ATAD2B: variants seen among roughly 807,000 people sequenced by gnomAD.
ATAD2B encodes ATPase family AAA domain-containing protein 2B.
Under a neutral mutation model 167.6 loss-of-function variants are expected in ATAD2B, and 40 were observed. That is an observed-to-expected ratio of 0.24 (90% CI 0.19 to 0.31). ATAD2B has a LOEUF of 0.31. Among genes scored for constraint, ATAD2B ranks in the 10% least tolerant of loss-of-function variants. The pLI is 1.00. For missense variants in ATAD2B, 1,242 were observed against 1,757.2 expected, an observed-to-expected ratio of 0.71 and a Z score of 5.24; for synonymous variants, 579 against 596.5, an observed-to-expected ratio of 0.97 and a Z score of 0.43.
At chr2:23,764,084 A>C (rs1165178303) in intron 23 of ATAD2B, among the ~76,000 whole-genome samples, 1 of 152,202 alleles carries the variant, frequency 6.6e-6, no homozygotes, top group East Asian at 1.9e-4. Flanking sequence ...GTTTATGTGG[A>C]CATATATTTT....
the ATAD2B span, among the ~76,000 whole-genome samples, chr2:23,727,023 A>T: frequency 6.6e-6 from 1 of 152,212 alleles, no homozygotes; most frequent in Non-Finnish European, 1.5e-5. Context: ...TTAAAAAAAC[A>T]GATTGTTAGA....
chr2:23,745,739 C>G (rs916297148), downstream of ATAD2B, among the ~76,000 whole-genome samples: 1 of 152,216 alleles, frequency 6.6e-6, no homozygotes, highest in Admixed American at 6.5e-5. Context: ...TTGTCTGCTG[C>G]TACTAATACT....
chr2:23,785,002 C>T (rs1680606230), intron 21 of ATAD2B, among the ~76,000 whole-genome samples: 2 of 151,526 alleles, frequency 1.3e-5, no homozygotes, highest in African/African-American at 4.8e-5. Flanking sequence ...ATAAGAGGAT[C>T]AAATGGAAAA....
chr2:23,736,245 A>G, the ATAD2B span, among the ~76,000 whole-genome samples: 3 of 152,054 alleles, frequency 2.0e-5, no homozygotes, highest in East Asian at 1.9e-4. Context: ...CATTGTTACT[A>G]TTTTCAGCAT....
rs770725105 is a variant in ATAD2B, at chr2:23,882,502, TAAAAAAAAAAAAA to T, written c.785-1760_785-1748del. 2.1e-4 allele frequency among the ~76,000 whole-genome samples: 19 copies of T among 92,234 alleles called. 1 individual carries two copies. The Admixed American group carries it at 2.2e-3, about 11-fold the overall frequency. 60.5% of individuals were successfully genotyped at this position (92,234 alleles called of 152,430 possible). The stretch of plus-strand genomic sequence containing the variant: ...TGAGCCACCACACCCAGCCTCTATT[TAAAAAAAAAAAAA>T]AAAAAAAAAAAGGCCAGGCGCAGTG... On this transcript the variant is annotated intron_variant, in intron 6 of 27. Transcript: ENST00000238789.
the ATAD2B span, among the ~76,000 whole-genome samples, chr2:23,742,393 T>C: frequency 1.3e-5 from 2 of 152,086 alleles, no homozygotes; most frequent in South Asian, 2.1e-4. Context: ...GATGAGTTCA[T>C]GTCCTTTGTA....
chr2:23,869,130 T>C (rs1298654504), intron 9 of ATAD2B, among the ~76,000 whole-genome samples: 1 of 152,206 alleles, frequency 6.6e-6, no homozygotes, highest in East Asian at 1.9e-4. Context: ...AATTATTTAC[T>C]CCTCCACTGA....
the ATAD2B span, among the ~76,000 whole-genome samples, chr2:23,727,771 G>C: frequency 6.6e-6 from 1 of 152,158 alleles, no homozygotes; most frequent in East Asian, 1.9e-4. Flanking sequence ...AAGACATGAA[G>C]GAACCTTAAA....
intron 25 of ATAD2B, among the ~76,000 whole-genome samples, chr2:23,755,907 A>C (rs1320639412): frequency 6.6e-6 from 1 of 152,184 alleles, no homozygotes; most frequent in Non-Finnish European, 1.5e-5. Context: ...TACTACATCC[A>C]TGGACTTCTA....
At chr2:23,816,477 T>C (rs1015199204) in intron 17 of ATAD2B, among the ~76,000 whole-genome samples, 3 of 152,128 alleles carry the variant, frequency 2.0e-5, no homozygotes, top group Admixed American at 6.5e-5. Context: ...ATATTAAACA[T>C]ACACTGACAT....
chr2:23,703,879 G>T, the ATAD2B span: 4 of 1,532,564 alleles, frequency 2.6e-6, no homozygotes, highest in South Asian at 4.8e-5. Flanking sequence ...AGGCTGCGGC[G>T]CCTTGACTAG....
At chr2:23,702,627 A>G in the ATAD2B span, among the ~76,000 whole-genome samples, 1 of 152,160 alleles carries the variant, frequency 6.6e-6, no homozygotes, top group Non-Finnish European at 1.5e-5. Flanking sequence ...CGCCTCCAGA[A>G]AGCTAATATG....
In ATAD2B at chr2:23,759,567, T is replaced by C. The variant is rs115824773; in HGVS notation, c.3395-1466A>G. Among the ~76,000 whole-genome samples the C allele has an allele frequency of 7.3e-3, 1,117 of 152,330 alleles. 12 individuals carry two copies. The highest frequency in any genetic ancestry group is 0.026 in the African/African-American group (1,077 of 41,574). ...ATAAATTTAGTTATAAATATTACTC[T>C]TCTTTCTTACCTAAGAATATATCTC... is the stretch of plus-strand genomic sequence containing the variant. On this transcript the variant is annotated intron_variant, in intron 24 of 27. Coordinates refer to ENST00000238789, the MANE Select transcript of ATAD2B (RefSeq NM_017552.4).
At chr2:23,840,921 T>G (rs1690791469) in intron 13 of ATAD2B, among the ~76,000 whole-genome samples, 1 of 152,138 alleles carries the variant, frequency 6.6e-6, no homozygotes, top group Non-Finnish European at 1.5e-5. Flanking sequence ...AAATTGTTAC[T>G]TTTAAGACAG....
At chr2:23,778,263 G>A (rs1679474965) in intron 22 of ATAD2B, among the ~76,000 whole-genome samples, 1 of 152,154 alleles carries the variant, frequency 6.6e-6, no homozygotes, top group African/African-American at 2.4e-5. Flanking sequence ...TTGTGGAACT[G>A]CATTTTGTAG....
At chr2:23,850,567 T>C (rs56021814) in intron 13 of ATAD2B, among the ~76,000 whole-genome samples, 2 of 152,074 alleles carry the variant, frequency 1.3e-5, no homozygotes, top group African/African-American at 2.4e-5. Flanking sequence ...AACTACATAC[T>C]GTTTGAGTCC....
downstream of ATAD2B, among the ~76,000 whole-genome samples, chr2:23,746,273 G>A (rs1004634776): frequency 6.6e-6 from 1 of 152,176 alleles, no homozygotes; most frequent in Non-Finnish European, 1.5e-5. Flanking sequence ...GCCTACATTT[G>A]AATCCTGGAT....
the ATAD2B span, chr2:23,691,897 T>C: frequency 6.5e-7 from 1 of 1,545,250 alleles, no homozygotes; most frequent in East Asian, 2.4e-5. Context: ...GGGCCACATA[T>C]GTCGCTTGGG....
chr2:23,734,779 G>C, the ATAD2B span, among the ~76,000 whole-genome samples: 1 of 152,132 alleles, frequency 6.6e-6, no homozygotes, highest in African/African-American at 2.4e-5. Flanking sequence ...TGAGATGTGG[G>C]TGGGGACACA....
Sources: allele counts gnomAD v4.1 joint callset (sites outside exome capture counted in the v4.1 genomes callset), GRCh38; gene constraint gnomAD v4.1.1; transcripts MANE v1.5; gene names NCBI Gene and HGNC (gene_info 2026-07-23, HGNC 2026-07-21).